UPF3A: variants seen among roughly 807,000 people sequenced by gnomAD.
UPF3A encodes the protein regulator of nonsense transcripts 3A.
In UPF3A, 42 loss-of-function variants were observed where a neutral mutation model predicts 53.5. The ratio of observed to expected loss-of-function variants is 0.78; its 90% confidence interval spans 0.61 to 1.01. The LOEUF is 1.01. Among genes scored for constraint, UPF3A ranks in the 50% least tolerant of loss-of-function variants. The pLI is 0.00. For missense variants in UPF3A, 575 were observed against 598.0 expected (o/e 0.96, Z 0.40); for synonymous variants, 237 against 225.3 (o/e 1.05, Z -0.47).
At chr13:114,281,907 G>GGGGAGGGA (rs1375001883) in intron 1 of UPF3A, 61 bp downstream of exon 1, 1 of 1,035,170 alleles carries the variant, frequency 9.7e-7, no homozygotes, top group African/African-American at 2.0e-5. Flanking sequence ...AGTGGAGGGA[G>GGGGAGGGA]GGGAGGGAGG....
chr13:114,304,107 C>G (rs1052119677), intron 9 of UPF3A, among the ~76,000 whole-genome samples: 2 of 152,196 alleles, frequency 1.3e-5, no homozygotes, highest in Non-Finnish European at 2.9e-5. Flanking sequence ...GAGCGGGAGG[C>G]GCGTGGAGCA....
intron 3 of UPF3A, chr13:114,286,070 G>C (rs2084656570): frequency 2.0e-6 from 1 of 496,576 alleles, no homozygotes; most frequent in African/African-American, 1.9e-5. Flanking sequence ...GTTCATCCTT[G>C]TTTAAGTCTG....
Position 114,304,867 on chromosome 13 carries a change from A to T in UPF3A, c.1381A>T (p.Lys461Ter), listed in dbSNP as rs1396020199. 8 of 1,613,708 alleles carry T rather than the reference A, an allele frequency of 5.0e-6. No homozygotes were observed. Among genetic ancestry groups the T allele is most frequent in the Non-Finnish European group, 6.8e-6 (8 of 1,179,766 alleles). The change falls in exon 10 of 10, where the codon AAG (lysine) becomes TAG (stop). Residue 461 changes from lysine to a stop codon, truncating the protein, a stop_gained. Coordinates refer to ENST00000375299, the MANE Select transcript of UPF3A (RefSeq NM_023011.4). LOFTEE classifies it high-confidence loss of function. ...RECGGNRRICKAEGSGTGPEK... is the reference protein window; with the variant it reads ...RECGGNRRIC Reference sequence around the variant, plus strand: ...GTGTGGCGGAAACAGGAGGATCTGCAAGGCAGAAGGTTCGGGGACTGGTCC... The same window carrying T: ...GTGTGGCGGAAACAGGAGGATCTGCTAGGCAGAAGGTTCGGGGACTGGTCC...
intron 5 of UPF3A, chr13:114,287,735 GAAT>G (rs1246151843): frequency 6.6e-6 from 1 of 152,128 alleles, no homozygotes; most frequent in Non-Finnish European, 1.5e-5. Context: ...AAAAGTTCAG[GAAT>G]TTAGTAGATG....
At position 114,304,993 on chromosome 13, in the gene UPF3A, G is replaced by A; in HGVS notation, c.*76G>A. 6.5e-7 allele frequency: 1 copy of A among 1,538,688 alleles called. No homozygotes were observed. Among genetic ancestry groups the A allele is most frequent in the Non-Finnish European group, 8.8e-7 (1 of 1,136,730 alleles). ...GTGTAAATGACCCCGAGTGTGACTG[G>A]GAAGGAGAACTTATTCCTTACCAGG... On this transcript the variant is annotated 3_prime_UTR_variant, in exon 10 of 10. Transcript: ENST00000375299.
intron 2 of UPF3A, 85 bp from the exon 3 acceptor site, chr13:114,282,752 T>C: frequency 6.5e-7 from 1 of 1,541,278 alleles, no homozygotes; most frequent in East Asian, 2.3e-5. Context: ...AAGTAGTTTG[T>C]TGTGCCCAGA....
At position 114,305,666 on chromosome 13, in the gene UPF3A, A is replaced by G. The variant is rs1352270728; in HGVS notation, c.*749A>G. The G allele has an allele frequency of 2.6e-5, 4 of 152,288 alleles. No homozygotes were observed. Among genetic ancestry groups the G allele is most frequent in the Non-Finnish European group, 4.4e-5 (3 of 68,058 alleles). 9.4% of individuals were successfully genotyped at this position (152,288 alleles called of 1,614,324 possible). A position where few individuals can be genotyped will look rare whatever the true frequency, so the allele number is the denominator to read the frequency against. On this transcript the variant is annotated 3_prime_UTR_variant, in exon 10 of 10. Transcript: ENST00000375299. ...TACAGAGCCTGTTTTTGAGTTTTAG[A>G]TACTTTATTTGTAAATAACTTAAAA...
rs768367260 is a variant in UPF3A, at chr13:114,301,725, T to G, written c.1008-6T>G. 1.9e-6 allele frequency: 3 copies of G among 1,605,092 alleles called. No homozygotes were observed. The highest frequency in any genetic ancestry group is 2.6e-6 in the Non-Finnish European group (3 of 1,173,380). ...GCAGTTGCTGATCATTTGTGTTGAA[T>G]CATAGGTCACACAGCGGCAGTGATA... On this transcript the variant is annotated splice_polypyrimidine_tract_variant and splice_region_variant and intron_variant, in intron 8 of 9. Coordinates refer to ENST00000375299, the MANE Select transcript of UPF3A (RefSeq NM_023011.4).
intron 7 of UPF3A, among the ~76,000 whole-genome samples, chr13:114,293,838 T>C (rs1344617460): frequency 6.6e-6 from 1 of 152,138 alleles, no homozygotes; most frequent in Middle Eastern, 3.2e-3. Context: ...AACAGAAAAG[T>C]TGGCTGGGTA....
chr13:114,297,105 G>A (rs1008158629), intron 7 of UPF3A, among the ~76,000 whole-genome samples: 4 of 152,150 alleles, frequency 2.6e-5, no homozygotes, highest in East Asian at 1.9e-4. Context: ...AAGTGAACAC[G>A]TGTGATTGAA....
At position 114,291,653 on chromosome 13, in the gene UPF3A, G is replaced by A. The variant is rs149323560; in HGVS notation, c.707G>A (p.Arg236Gln). 8.4e-5 allele frequency: 135 copies of A among 1,604,686 alleles called. No individual in the cohort carries two copies. Among genetic ancestry groups the A allele is most frequent in the South Asian group, 1.0e-4 (9 of 87,756 alleles). ...CTTTAGAGAATTCGAGAAGAGAAGC[G>A]AGAAGAACGGAGGAGGAGAGAGTTA... is the stretch of plus-strand genomic sequence containing the variant. ...LEKQRIREEKREERRRRELEK... is the reference protein window; with the variant it reads ...LEKQRIREEKQEERRRRELEK... The change falls in exon 7 of 10, where the codon CGA becomes CAA. Residue 236 changes from arginine to glutamine, a missense_variant. Arg to Gln is a conservative substitution (Grantham distance 43, BLOSUM62 1). Transcript: ENST00000375299.
At chr13:114,286,836 G>A (rs2084742140) in intron 5 of UPF3A, 5 of 565,580 alleles carry the variant, frequency 8.8e-6, no homozygotes, top group East Asian at 6.0e-5. Context: ...TGGAGAGCAC[G>A]TGATTTTTTT....
chr13:114,286,117 G>A (rs747492559), intron 3 of UPF3A, 185 bp from the exon 4 acceptor site: 4 of 745,844 alleles, frequency 5.4e-6, no homozygotes, highest in Non-Finnish European at 8.1e-6. Flanking sequence ...GCTTGAAAGT[G>A]TAATAAAATT....
chr13:114,281,744 C>G lies in UPF3A; in HGVS notation c.105C>G (p.Arg35=). ...KLSALEVQFH[R]DSQQQEAETP... ...CGGCCCTAGAAGTGCAGTTCCACCG[C>G]GACTCGCAGCAGCAGGAGGCTGAGA... The change falls in exon 1 of 10, where the codon CGC becomes CGG. Residue 35 remains arginine (R), a synonymous_variant. Coordinates refer to ENST00000375299, the MANE Select transcript of UPF3A (RefSeq NM_023011.4). The G allele has an allele frequency of 6.4e-7, 1 of 1,557,674 alleles. No homozygotes were observed. The highest frequency in any genetic ancestry group is 8.7e-7 in the Non-Finnish European group (1 of 1,151,738).
Position 114,294,547 on chromosome 13 carries a change from C to T in UPF3A, c.846+2755C>T, listed in dbSNP as rs138913742. ...TAGAGGCATGAGCCACCGTGCGTAG[C>T]ACTCATGGCTATTCTTAATAAAGAG... On this transcript the variant is annotated intron_variant, in intron 7 of 9. Coordinates refer to ENST00000375299, the MANE Select transcript of UPF3A (RefSeq NM_023011.4). 2.1e-3 allele frequency among the ~76,000 whole-genome samples: 323 copies of T among 152,332 alleles called. 3 individuals carry two copies. The highest frequency in any genetic ancestry group is 7.4e-3 in the African/African-American group (308 of 41,578).
chr13:114,304,852 A>T lies in UPF3A; in HGVS notation c.1366A>T (p.Asn456Tyr), dbSNP rs746478058. ...CTTCCGAGCGCGAGAGTGTGGCGGA[A>T]ACAGGAGGATCTGCAAGGCAGAAGG... ...ARFRARECGGNRRICKAEGSG... is the reference protein window; with the variant it reads ...ARFRARECGGYRRICKAEGSG... The change falls in exon 10 of 10, where the codon AAC becomes TAC. Residue 456 changes from asparagine (N) to tyrosine (Y), a missense_variant. Asn to Tyr is a moderately radical substitution (Grantham distance 143, BLOSUM62 -2). This residue lies in a region of UPF3A where 323 missense variants were observed against 415.2 expected (regional missense o/e 0.78). Transcript: ENST00000375299. 2 of 1,613,886 alleles carry T rather than the reference A, an allele frequency of 1.2e-6. No individual in the cohort carries two copies. Among genetic ancestry groups the T allele is most frequent in the South Asian group, 1.1e-5 (1 of 91,068 alleles).
Position 114,286,761 on chromosome 13 carries a change from T to A in UPF3A, c.631+132T>A, listed in dbSNP as rs1053545468. 4 of 732,620 alleles carry A rather than the reference T, an allele frequency of 5.5e-6. No individual in the cohort carries two copies. In the African/African-American group the frequency reaches 7.1e-5, roughly 13 times the overall value. The allele number at this position is 732,620 out of a possible 1,614,324, so 45.4% of individuals were successfully genotyped here. ...CAGGCTTGACAGAAATGTAGAGTGA[T>A]TTCCAGTTTTGACAAAAGAATGGCA... On this transcript the variant is annotated intron_variant, in intron 5 of 9. Coordinates refer to ENST00000375299, the MANE Select transcript of UPF3A (RefSeq NM_023011.4).
intron 9 of UPF3A, among the ~76,000 whole-genome samples, chr13:114,304,419 A>C (rs1354742618): frequency 1.3e-5 from 2 of 152,210 alleles, no homozygotes; most frequent in Non-Finnish European, 2.9e-5. Context: ...GATAAGCCCC[A>C]TGGAAATTGC....
chr13:114,304,626 G>C (rs539313942), intron 9 of UPF3A, among the ~76,000 whole-genome samples, 163 bp from the exon 10 acceptor site: 87 of 152,264 alleles, frequency 5.7e-4, no homozygotes, highest in African/African-American at 1.9e-3. Flanking sequence ...GCCTTAGAAT[G>C]CCTGGTTTCT....
Sources: allele counts gnomAD v4.1 joint callset (sites outside exome capture counted in the v4.1 genomes callset), GRCh38; gene constraint gnomAD v4.1.1; regional missense constraint gnomAD v4.1.1; transcripts MANE v1.5; gene names NCBI Gene and HGNC (gene_info 2026-07-23, HGNC 2026-07-21).